Variants in CENPW observed in about 807,000 individuals in gnomAD.
CENPW encodes centromere protein W.
In CENPW, 3 loss-of-function variants were observed where a neutral mutation model predicts 11.1. The observed-to-expected ratio is 0.27, with a 90% CI of 0.12 to 0.70. The LOEUF (loss-of-function observed/expected upper bound fraction) is 0.70, where lower values mean the gene tolerates loss of function less well. Ranked by LOEUF, CENPW falls within the 30% of genes least tolerant of loss-of-function variation. The probability of loss-of-function intolerance (pLI) is 0.77; values close to 1 mark genes in which losing one functional copy is unlikely to be tolerated. For missense variants in CENPW, 100 were observed against 105.6 expected, an observed-to-expected ratio of 0.95 and a Z score of 0.23; for synonymous variants, 38 against 42.0, an observed-to-expected ratio of 0.91 and a Z score of 0.37.
chr6:126,351,631 G>C (rs1479676968), downstream of CENPW, among the ~76,000 whole-genome samples: 1 of 152,022 alleles, frequency 6.6e-6, no homozygotes, highest in Non-Finnish European at 1.5e-5. Context: ...TTTAACTGGA[G>C]CCTTAGTTTC....
the CENPW span, among the ~76,000 whole-genome samples, chr6:126,370,940 G>T: frequency 9.7e-4 from 147 of 151,864 alleles, 1 homozygote; most frequent in South Asian, 1.9e-3. Flanking sequence ...GTGTGTGTGT[G>T]TTTTTTTAGT....
chr6:126,415,992 C>G, the CENPW span, among the ~76,000 whole-genome samples: 6 of 152,102 alleles, frequency 3.9e-5, no homozygotes, highest in South Asian at 2.1e-4. Flanking sequence ...GAGGTTGGAA[C>G]AGTTTGGAGG....
At chr6:126,405,960 T>C in the CENPW span, among the ~76,000 whole-genome samples, 1 of 152,088 alleles carries the variant, frequency 6.6e-6, no homozygotes. Flanking sequence ...TTTGACTTCC[T>C]ATTTCTCTGG....
At chr6:126,360,922 A>G in the CENPW span, among the ~76,000 whole-genome samples, 29 of 151,976 alleles carry the variant, frequency 1.9e-4, no homozygotes, top group African/African-American at 6.8e-4. Flanking sequence ...CATTTTGGTC[A>G]TTTCAATCTG....
the CENPW span, among the ~76,000 whole-genome samples, chr6:126,415,446 T>C: frequency 1.3e-5 from 2 of 152,116 alleles, no homozygotes; most frequent in Non-Finnish European, 2.9e-5. Context: ...TGAAGTAGGG[T>C]CTGTTATTAG....
chr6:126,468,420 CAAA>C, the CENPW span, among the ~76,000 whole-genome samples: 5 of 53,534 alleles, frequency 9.3e-5, no homozygotes, highest in African/African-American at 2.3e-4. Flanking sequence ...AACTCTGTCT[CAAA>C]AAAAAAAAAA....
chr6:126,343,945 A>G (rs944945781), intron 1 of CENPW, among the ~76,000 whole-genome samples: 8 of 152,194 alleles, frequency 5.3e-5, no homozygotes, highest in African/African-American at 1.7e-4. Context: ...TCCGTGGCTC[A>G]TGGCCACGAA....
intron 1 of CENPW, among the ~76,000 whole-genome samples, chr6:126,343,711 G>A (rs905200175): frequency 6.6e-6 from 1 of 152,210 alleles, no homozygotes; most frequent in African/African-American, 2.4e-5. Context: ...GAGAGATGAA[G>A]GCTGGAAGAC....
At chr6:126,438,918 T>C in the CENPW span, among the ~76,000 whole-genome samples, 1 of 151,710 alleles carries the variant, frequency 6.6e-6, no homozygotes, top group South Asian at 2.1e-4. Flanking sequence ...ACACAAGAAC[T>C]GTTTAAACTT....
chr6:126,362,431 A>G, the CENPW span, among the ~76,000 whole-genome samples: 1 of 152,128 alleles, frequency 6.6e-6, no homozygotes, highest in Admixed American at 6.5e-5. Flanking sequence ...CTTCCCTAGG[A>G]GCTGTTTGGT....
the CENPW span, among the ~76,000 whole-genome samples, chr6:126,374,418 G>T: frequency 6.6e-6 from 1 of 152,158 alleles, no homozygotes; most frequent in Non-Finnish European, 1.5e-5. Flanking sequence ...GTTCTCATCA[G>T]ATTTGAGGTT....
intron 1 of CENPW, 161 bp downstream of exon 1, chr6:126,340,560 A>T (rs1192432200): frequency 3.1e-6 from 3 of 955,944 alleles, no homozygotes; most frequent in African/African-American, 3.3e-5. Context: ...CCACCCTGGC[A>T]TGTCAGTTCA....
the CENPW span, among the ~76,000 whole-genome samples, chr6:126,355,914 A>C: frequency 6.6e-6 from 1 of 152,198 alleles, no homozygotes; most frequent in Non-Finnish European, 1.5e-5. Context: ...GCAAGGCTTA[A>C]TAGAGAGGGA....
the CENPW span, among the ~76,000 whole-genome samples, chr6:126,391,849 T>C: frequency 6.6e-6 from 1 of 152,074 alleles, no homozygotes; most frequent in Non-Finnish European, 1.5e-5. Flanking sequence ...TTTATGCCAG[T>C]GCCATGCTGT....
At chr6:126,408,656 A>G in the CENPW span, among the ~76,000 whole-genome samples, 81 of 152,096 alleles carry the variant, frequency 5.3e-4, no homozygotes, top group Non-Finnish European at 9.1e-4. Context: ...TTCAATCTCA[A>G]TATTCTTATT....
At chr6:126,379,810 T>C in the CENPW span, among the ~76,000 whole-genome samples, 239 of 152,310 alleles carry the variant, frequency 1.6e-3, no homozygotes, top group African/African-American at 5.7e-3. Context: ...ATCAAACGAA[T>C]TAAAGTATAA....
chr6:126,372,732 GA>G, the CENPW span, among the ~76,000 whole-genome samples: 1 of 152,162 alleles, frequency 6.6e-6, no homozygotes, highest in Non-Finnish European at 1.5e-5. Flanking sequence ...CAGTGATTCA[GA>G]AGGAGTTATA....
At chr6:126,482,141 T>G in the CENPW span, among the ~76,000 whole-genome samples, 1 of 152,082 alleles carries the variant, frequency 6.6e-6, no homozygotes, top group Non-Finnish European at 1.5e-5. Flanking sequence ...TAGACACTGT[T>G]TGTGCTGGGT....
At chr6:126,415,609 T>C in the CENPW span, among the ~76,000 whole-genome samples, 1 of 152,158 alleles carries the variant, frequency 6.6e-6, no homozygotes, top group Non-Finnish European at 1.5e-5. Flanking sequence ...TCCCATGTAT[T>C]GTGGGAGGGA....
Sources: allele counts gnomAD v4.1 joint callset (sites outside exome capture counted in the v4.1 genomes callset), GRCh38; gene constraint gnomAD v4.1.1; transcripts MANE v1.5; gene names NCBI Gene and HGNC (gene_info 2026-07-23, HGNC 2026-07-21).